The following PEAK1 variants were observed in gnomAD, a reference collection of about 807,000 sequenced individuals.
PEAK1 encodes pseudopodium enriched atypical kinase 1.
Under a neutral mutation model 124.7 loss-of-function variants are expected in PEAK1, and 54 were observed. The observed-to-expected ratio is 0.43, with a 90% confidence interval of 0.35 to 0.54. The LOEUF (loss-of-function observed/expected upper bound fraction) is 0.54. PEAK1 is among the 20% of genes least tolerant of loss of function. The pLI, the probability that PEAK1 is intolerant of heterozygous loss-of-function variation, is 0.01. For synonymous variants in PEAK1, 719 were observed against 760.0 expected, an observed-to-expected ratio of 0.95 and a Z score of 0.89; for missense variants, 2,046 against 2,134.5, an observed-to-expected ratio of 0.96 and a Z score of 0.82.
intron 6 of PEAK1, among the ~76,000 whole-genome samples, chr15:77,197,001 C>T (rs2058137204): frequency 6.6e-6 from 1 of 151,286 alleles, no homozygotes; most frequent in Non-Finnish European, 1.5e-5. Flanking sequence ...CAGGTGTCTG[C>T]CACTATGCCT....
chr15:77,297,757 CAA>C (rs370114659), intron 2 of PEAK1, among the ~76,000 whole-genome samples: 7 of 85,390 alleles, frequency 8.2e-5, no homozygotes, highest in Admixed American at 1.4e-4. Flanking sequence ...GATTTTGCCT[CAA>C]AAAAAAAAAA....
downstream of PEAK1, chr15:77,104,552 C>T (rs2050727556): frequency 6.6e-6 from 1 of 152,392 alleles, no homozygotes; most frequent in African/African-American, 2.4e-5. Context: ...ATGCATGTCT[C>T]CCAGGCCAGC....
chr15:77,136,560 G>GGA, intron 8 of PEAK1, among the ~76,000 whole-genome samples: 1 of 152,228 alleles, frequency 6.6e-6, no homozygotes, highest in East Asian at 1.9e-4. Context: ...CAGCTACTCA[G>GGA]GAGGGTGAGC....
At chr15:77,186,999 G>A (rs2057579943) in intron 6 of PEAK1, among the ~76,000 whole-genome samples, 1 of 152,172 alleles carries the variant, frequency 6.6e-6, no homozygotes, top group Non-Finnish European at 1.5e-5. Context: ...TGTGTCTCCT[G>A]AGGCACTTAC....
intron 1 of PEAK1, chr15:77,417,752 C>T (rs2073006935): frequency 1.0e-6 from 1 of 985,430 alleles, no homozygotes; most frequent in African/African-American, 1.7e-5. Flanking sequence ...CAACAAATCT[C>T]TCTCATGAAG....
chr15:77,225,507 A>G (rs926959561), intron 6 of PEAK1, among the ~76,000 whole-genome samples: 7 of 151,460 alleles, frequency 4.6e-5, no homozygotes, highest in Non-Finnish European at 8.9e-5. Context: ...AACTGTTTCC[A>G]TCTATTTATA....
At chr15:77,320,271 G>C (rs1490770714) in intron 2 of PEAK1, among the ~76,000 whole-genome samples, 2 of 152,050 alleles carry the variant, frequency 1.3e-5, no homozygotes, top group Non-Finnish European at 2.9e-5. Flanking sequence ...ATAATAAAAT[G>C]TCTATCCCCA....
chr15:77,131,228 G>A (rs908850403), intron 9 of PEAK1, among the ~76,000 whole-genome samples: 1 of 152,232 alleles, frequency 6.6e-6, no homozygotes, highest in Non-Finnish European at 1.5e-5. Context: ...AGGCATGGTG[G>A]CTCACGCCTG....
At position 77,252,358 on chromosome 15, in the gene PEAK1, T is replaced by A; in HGVS notation, c.-115+9A>T. The A allele has an allele frequency of 1.0e-6, 1 of 983,986 alleles. No homozygotes were observed. The highest frequency in any genetic ancestry group is 1.2e-6 in the Non-Finnish European group (1 of 828,644). 61.0% of individuals were successfully genotyped at this position (983,986 alleles called of 1,614,324 possible). Reference sequence around the variant, plus strand: ...TGGAAATGTAACATGTTAGGAGAATTCTGCTTACTATTTAAATCTGAAGCA... The same window carrying A: ...TGGAAATGTAACATGTTAGGAGAATACTGCTTACTATTTAAATCTGAAGCA... On this transcript the variant is annotated intron_variant, in intron 6 of 9. Transcript: ENST00000682557.
At chr15:77,107,006 A>C (rs532106126), downstream of PEAK1, 21 of 152,310 alleles carry the variant, frequency 1.4e-4, no homozygotes, top group African/African-American at 4.8e-4. Context: ...GTCAGTACTG[A>C]ATCAGTTGTT....
intron 2 of PEAK1, among the ~76,000 whole-genome samples, chr15:77,329,044 T>C (rs1362585202): frequency 1.3e-5 from 2 of 152,212 alleles, no homozygotes; most frequent in Non-Finnish European, 2.9e-5. Context: ...AGATGATATA[T>C]ACTTTCTCTA....
At chr15:77,219,959 CAT>C (rs1378007383) in intron 6 of PEAK1, among the ~76,000 whole-genome samples, 1 of 152,096 alleles carries the variant, frequency 6.6e-6, no homozygotes, top group African/African-American at 2.4e-5. Flanking sequence ...TATTTTGACT[CAT>C]ATGCAAATTT....
At chr15:77,164,925 C>T (rs111637283) in intron 7 of PEAK1, among the ~76,000 whole-genome samples, 462 of 148,928 alleles carry the variant, frequency 3.1e-3, no homozygotes, top group Non-Finnish European at 5.5e-3. Context: ...TTTTTTGAGA[C>T]GGAGTCTCGC....
intron 2 of PEAK1, among the ~76,000 whole-genome samples, chr15:77,332,746 C>T (rs2065968828): frequency 6.6e-6 from 1 of 151,910 alleles, no homozygotes; most frequent in African/African-American, 2.4e-5. Flanking sequence ...TTAAAAGGTA[C>T]TTCATTTTTT....
At chr15:77,148,939 T>C (rs1191338517) in intron 8 of PEAK1, among the ~76,000 whole-genome samples, 2 of 152,094 alleles carry the variant, frequency 1.3e-5, no homozygotes, top group African/African-American at 4.8e-5. Context: ...ATTTAAAATT[T>C]AAAGTATTTT....
chr15:77,212,919 A>G (rs1008809590), intron 6 of PEAK1, among the ~76,000 whole-genome samples: 4 of 152,214 alleles, frequency 2.6e-5, no homozygotes, highest in Non-Finnish European at 4.4e-5. Context: ...AGATCAATGT[A>G]ATACCTCCTA....
intron 6 of PEAK1, among the ~76,000 whole-genome samples, chr15:77,209,677 T>C (rs1284389713): frequency 6.6e-6 from 1 of 152,208 alleles, no homozygotes; most frequent in Non-Finnish European, 1.5e-5. Context: ...TTCTGTGAGA[T>C]GCTGAGAGGA....
At chr15:77,148,792 C>T (rs1316696744) in intron 8 of PEAK1, among the ~76,000 whole-genome samples, 1 of 151,840 alleles carries the variant, frequency 6.6e-6, no homozygotes, top group Non-Finnish European at 1.5e-5. Flanking sequence ...TCATGTGGTG[C>T]ACGCCTGTAG....
chr15:77,309,400 A>C (rs1342269603), intron 2 of PEAK1, among the ~76,000 whole-genome samples: 1 of 152,134 alleles, frequency 6.6e-6, no homozygotes, highest in Non-Finnish European at 1.5e-5. Flanking sequence ...CAAGTTTTAT[A>C]ATTAATGACA....
Sources: gnomAD v4.1 joint callset for allele counts (sites outside exome capture counted in the v4.1 genomes callset) on GRCh38, gnomAD v4.1.1 for gene constraint, MANE v1.5 for transcripts, NCBI Gene and HGNC (gene_info 2026-07-23, HGNC 2026-07-21) for gene names.